KCNMB3: variants seen among roughly 807,000 people sequenced by gnomAD.
The protein encoded by KCNMB3 is calcium-activated potassium channel subunit beta-3.
In KCNMB3, 18 loss-of-function variants were observed where a neutral mutation model predicts 11.9. That is an observed-to-expected ratio of 1.51 (90% confidence interval 1.04 to 2.23). KCNMB3 has a LOEUF of 2.23. Ranked by LOEUF, KCNMB3 falls within the 30% of genes most tolerant of loss-of-function variation. KCNMB3 has a pLI of 0.00. For synonymous variants in KCNMB3, 78 were observed against 119.2 expected (o/e 0.65, Z 2.25); for missense variants, 247 against 329.4 (o/e 0.75, Z 1.94).
chr3:179,259,248 C>T, intron 1 of KCNMB3: 2 of 1,534,812 alleles, frequency 1.3e-6, no homozygotes, highest in East Asian at 2.2e-5. Flanking sequence ...CTGTGAGGGA[C>T]TTTCATTTTT....
upstream of KCNMB3, among the ~76,000 whole-genome samples, chr3:179,252,731 C>CT (rs386398672): frequency 0.12 from 14,957 of 128,510 alleles, 1,526 homozygotes; most frequent in African/African-American, 0.25. Flanking sequence ...TGAACCTGTA[C>CT]TTTTTTTTTT....
At chr3:179,259,439 C>G (rs1726129949) in intron 1 of KCNMB3, 2 of 1,611,668 alleles carry the variant, frequency 1.2e-6, no homozygotes, top group Admixed American at 3.3e-5. Context: ...CAGCTAGTAC[C>G]TCCTCAGCTG....
In KCNMB3 at chr3:179,266,928, C is replaced by CT. The variant is rs1460756812; in HGVS notation, c.-219_-218insA. 9 of 1,406,268 alleles carry CT rather than the reference C, an allele frequency of 6.4e-6. No homozygotes were observed. In the East Asian group the frequency reaches 2.3e-4, roughly 36 times the overall value. 87.1% of individuals were successfully genotyped at this position (1,406,268 alleles called of 1,614,324 possible). A position where few individuals can be genotyped will look rare whatever the true frequency, so the allele number is the denominator to read the frequency against. ...TCTGCAGACTCCTGGCAAGGCGGAG[C>CT]GGTCAGTTCTAGATGATCAAGAAGG... On this transcript the variant is annotated 5_prime_UTR_variant, in exon 1 of 4. Coordinates refer to the KCNMB3 transcript ENST00000349697.
Position 179,250,931 on chromosome 3 carries a change from T to C in KCNMB3, c.60A>G (p.Thr20=), listed in dbSNP as rs753052205. 1 of 1,614,142 alleles carries C rather than the reference T, an allele frequency of 6.2e-7. No individual in the cohort carries two copies. Among genetic ancestry groups the C allele is most frequent in the Non-Finnish European group, 8.5e-7 (1 of 1,180,026 alleles). ...AVSPSPFPQR[T]AFPASGKKRE... ...TCTTCTTCCCTGAGGCAGGAAAGGC[T>C]GTCCTTTGGGGAAAGGGAGAAGGAG... is the stretch of plus-strand genomic sequence containing the variant. Residue 20 remains threonine (T), a synonymous_variant, in exon 1 of 3, where the codon ACA becomes ACG. Transcript: ENST00000392685.
In KCNMB3 at chr3:179,266,840, A is replaced by G; in HGVS notation, c.-130T>C. The G allele has an allele frequency of 1.4e-6, 2 of 1,442,116 alleles. 1 individual carries two copies. The allele number at this position is 1,442,116 out of a possible 1,614,324, so 89.3% of individuals were successfully genotyped here. A position where few individuals can be genotyped will look rare whatever the true frequency, so the allele number is the denominator to read the frequency against. Reference sequence around the variant, plus strand: ...AGCCCCCAGCCCCCAGCGCAGCTGCAGCCATTAGAAGCCCCCCGCCTTCCT... The same window carrying G: ...AGCCCCCAGCCCCCAGCGCAGCTGCGGCCATTAGAAGCCCCCCGCCTTCCT... On this transcript the variant is annotated 5_prime_UTR_variant, in exon 1 of 4. Coordinates refer to the KCNMB3 transcript ENST00000349697.
intron 1 of KCNMB3, among the ~76,000 whole-genome samples, chr3:179,262,418 C>T (rs890909587): frequency 1.3e-5 from 2 of 152,166 alleles, no homozygotes; most frequent in African/African-American, 2.4e-5. Context: ...TTCGTGGTCT[C>T]CCTGGCTTCA....
chr3:179,242,400 GAA>G (rs71181273), downstream of KCNMB3: 40 of 145,128 alleles, frequency 2.8e-4, no homozygotes, highest in African/African-American at 4.3e-4. Context: ...TCTCAAAAAG[GAA>G]AAAAAAAAAA....
chr3:179,247,292 C>T (rs1400811907), intron 1 of KCNMB3, among the ~76,000 whole-genome samples: 1 of 151,992 alleles, frequency 6.6e-6, no homozygotes, highest in African/African-American at 2.4e-5. Context: ...ATTTACTCAA[C>T]ATTCCCATAC....
intron 1 of KCNMB3, among the ~76,000 whole-genome samples, chr3:179,248,056 A>G (rs1040826083): frequency 6.6e-6 from 1 of 152,136 alleles, no homozygotes; most frequent in African/African-American, 2.4e-5. Flanking sequence ...GCCATCCTAC[A>G]AAATTAAATA....
At chr3:179,250,254 T>C (rs1034515879) in intron 1 of KCNMB3, among the ~76,000 whole-genome samples, 3 of 152,150 alleles carry the variant, frequency 2.0e-5, no homozygotes, top group Admixed American at 1.3e-4. Flanking sequence ...ACCCATGTTG[T>C]TCAAAGGTCA....
chr3:179,256,333 G>A (rs556180095), upstream of KCNMB3, among the ~76,000 whole-genome samples: 3 of 152,242 alleles, frequency 2.0e-5, no homozygotes, highest in Non-Finnish European at 4.4e-5. Flanking sequence ...CTACTCGGAA[G>A]GCTGAAACAG....
chr3:179,240,674 G>A (rs1031310881), downstream of KCNMB3: 1 of 152,078 alleles, frequency 6.6e-6, no homozygotes, highest in African/African-American at 2.4e-5. Context: ...GTTCTCCAGG[G>A]ATAATCTCTC....
upstream of KCNMB3, among the ~76,000 whole-genome samples, chr3:179,255,851 G>T (rs1725995117): frequency 6.6e-6 from 1 of 152,156 alleles, no homozygotes; most frequent in African/African-American, 2.4e-5. Flanking sequence ...TGACAATTTG[G>T]CTGAGAGCTT....
At chr3:179,259,614 A>C in intron 1 of KCNMB3, 1 of 1,608,224 alleles carries the variant, frequency 6.2e-7, no homozygotes, top group East Asian at 2.3e-5. Context: ...AGTAGACTTT[A>C]CCTGCTCTTC....
At chr3:179,259,515 C>A in intron 1 of KCNMB3, 1 of 1,611,616 alleles carries the variant, frequency 6.2e-7, no homozygotes, top group Non-Finnish European at 8.5e-7. Flanking sequence ...ATTCTCTGGA[C>A]AATCAACATT....
At chr3:179,266,854 C>T in exon 1 of KCNMB3, 1 of 1,438,530 alleles carries the variant, frequency 7.0e-7, no homozygotes, top group South Asian at 1.5e-5. Context: ...ATTAGAAGCC[C>T]CCCGCCTTCC....
intron 1 of KCNMB3, among the ~76,000 whole-genome samples, chr3:179,264,232 G>T (rs1440364736): frequency 6.6e-6 from 1 of 151,912 alleles, no homozygotes; most frequent in Non-Finnish European, 1.5e-5. Context: ...AATCCTATTG[G>T]CTACATAATG....
At chr3:179,260,864 T>G in intron 1 of KCNMB3, 1 of 1,173,276 alleles carries the variant, frequency 8.5e-7, no homozygotes, top group Non-Finnish European at 1.3e-6. Context: ...TTTCAGGGTG[T>G]CAACTTGGTA....
At chr3:179,258,753 A>G (rs1410902145) in intron 1 of KCNMB3, among the ~76,000 whole-genome samples, 1 of 152,234 alleles carries the variant, frequency 6.6e-6, no homozygotes, top group Non-Finnish European at 1.5e-5. Context: ...TAAACAGTAG[A>G]CATTATTGTT....
Sources: allele counts gnomAD v4.1 joint callset (sites outside exome capture counted in the v4.1 genomes callset), GRCh38; gene constraint gnomAD v4.1.1; transcripts MANE v1.5; gene names NCBI Gene and HGNC (gene_info 2026-07-23, HGNC 2026-07-21).